The following SGCZ variants were observed in gnomAD, a reference collection of about 807,000 sequenced individuals.
SGCZ encodes the protein zeta-sarcoglycan.
SGCZ carries 40 observed loss-of-function variants against 41.3 expected under a neutral mutation model. The observed-to-expected ratio is 0.97, with a 90% confidence interval of 0.75 to 1.26. The LOEUF is 1.26. Ranked by LOEUF, SGCZ falls within the 50% of genes most tolerant of loss-of-function variation. The pLI is 0.00. For missense variants in SGCZ, 552 were observed against 369.8 expected (o/e 1.49, Z -4.04); for synonymous variants, 206 against 137.5 (o/e 1.50, Z -3.49).
intron 3 of SGCZ, among the ~76,000 whole-genome samples, chr8:14,304,788 A>G (rs746681012): frequency 6.6e-6 from 1 of 152,182 alleles, no homozygotes; most frequent in Non-Finnish European, 1.5e-5. Context: ...TTAACTGTGT[A>G]AAATGAAAAC....
In SGCZ at chr8:14,711,147, A is replaced by G. The variant is rs192387951; in HGVS notation, c.40-156221T>C. Among the ~76,000 whole-genome samples, 7 of 152,338 alleles carry G rather than the reference A, an allele frequency of 4.6e-5. No homozygotes were observed. In the East Asian group the frequency reaches 1.3e-3, roughly 29 times the overall value. On this transcript the variant is annotated intron_variant, in intron 1 of 7. Coordinates refer to ENST00000382080, the MANE Select transcript of SGCZ (RefSeq NM_139167.4). ...ACACAGCACTAGAAATAGAAGACAT[A>G]CTGAGCAAGTCACTATGGACTTAAT...
intron 1 of SGCZ, among the ~76,000 whole-genome samples, chr8:14,847,968 A>G (rs989355565): frequency 6.6e-6 from 1 of 152,146 alleles, no homozygotes; most frequent in African/African-American, 2.4e-5. Context: ...TTCATAGACA[A>G]CATAATCATC....
chr8:15,166,406 C>T (rs1318033317), intron 1 of SGCZ, among the ~76,000 whole-genome samples: 1 of 151,968 alleles, frequency 6.6e-6, no homozygotes, highest in Non-Finnish European at 1.5e-5. Context: ...CACCACCATG[C>T]CCAGCTAGTT....
intron 1 of SGCZ, among the ~76,000 whole-genome samples, chr8:14,697,596 T>G (rs983447875): frequency 6.6e-6 from 1 of 151,996 alleles, no homozygotes; most frequent in Non-Finnish European, 1.5e-5. Flanking sequence ...TCCTTTCACT[T>G]TGTCTCAGGC....
At chr8:14,442,416 A>G (rs1585519149) in intron 2 of SGCZ, among the ~76,000 whole-genome samples, 1 of 152,174 alleles carries the variant, frequency 6.6e-6, no homozygotes, top group Admixed American at 6.6e-5. Flanking sequence ...GCCATGTGGA[A>G]CTGTGAGTCC....
chr8:14,317,107 T>C (rs1047022970), intron 3 of SGCZ, among the ~76,000 whole-genome samples: 5 of 152,062 alleles, frequency 3.3e-5, no homozygotes, highest in Admixed American at 2.6e-4. Flanking sequence ...AATCATACTC[T>C]CCTTGACAAT....
At chr8:14,183,280 T>G (rs1435170910) in intron 4 of SGCZ, among the ~76,000 whole-genome samples, 3 of 118,084 alleles carry the variant, frequency 2.5e-5, no homozygotes, top group African/African-American at 3.8e-5. Context: ...AGTTAAAAAT[T>G]TTTACATGTA....
intron 2 of SGCZ, among the ~76,000 whole-genome samples, chr8:14,422,925 G>A (rs1037491455): frequency 1.3e-5 from 2 of 152,040 alleles, no homozygotes; most frequent in African/African-American, 4.8e-5. Flanking sequence ...CCACTTCAGG[G>A]ACTGAGGAGG....
rs201483652 is a variant in SGCZ, at chr8:14,237,543, C to CA, written c.424+48dup. Reference sequence around the variant, plus strand: ...AAGAACCAAAAACCAAAAACAACAACAAAAAAAACCAAGCACAGTAGGAGC... The same window carrying CA: ...AAGAACCAAAAACCAAAAACAACAACAAAAAAAAACCAAGCACAGTAGGAGC... On this transcript the variant is annotated intron_variant, in intron 4 of 7. Coordinates refer to ENST00000382080, the MANE Select transcript of SGCZ (RefSeq NM_139167.4). 1,440 of 1,525,630 alleles carry CA rather than the reference C, an allele frequency of 9.4e-4. 4 individuals are homozygous for CA. Among genetic ancestry groups the CA allele is most frequent in the South Asian group, 1.9e-3 (166 of 85,554 alleles). 94.5% of individuals were successfully genotyped at this position (1,525,630 alleles called of 1,614,324 possible).
At chr8:14,847,257 T>G (rs1030627951) in intron 1 of SGCZ, among the ~76,000 whole-genome samples, 9 of 152,140 alleles carry the variant, frequency 5.9e-5, no homozygotes, top group Non-Finnish European at 1.3e-4. Flanking sequence ...CCAATTCATT[T>G]TATGAACTCA....
intron 1 of SGCZ, among the ~76,000 whole-genome samples, chr8:14,824,395 G>A (rs1225654374): frequency 6.6e-6 from 1 of 152,008 alleles, no homozygotes; most frequent in African/African-American, 2.4e-5. Flanking sequence ...CACTTTAATA[G>A]TAATAAATTT....
intron 1 of SGCZ, among the ~76,000 whole-genome samples, chr8:14,915,264 C>T (rs1324667983): frequency 6.6e-6 from 1 of 152,086 alleles, no homozygotes; most frequent in Non-Finnish European, 1.5e-5. Context: ...TGTATATATG[C>T]TGTTATGGTA....
intron 1 of SGCZ, among the ~76,000 whole-genome samples, chr8:14,626,730 T>G (rs905222502): frequency 2.0e-5 from 3 of 152,150 alleles, no homozygotes; most frequent in African/African-American, 7.2e-5. Flanking sequence ...TAGCAAATTC[T>G]AAGGCAGAAG....
intron 1 of SGCZ, among the ~76,000 whole-genome samples, chr8:15,231,707 C>T (rs190705124): frequency 5.9e-4 from 89 of 149,832 alleles, no homozygotes; most frequent in Admixed American, 1.0e-3. Flanking sequence ...CTGCAACCTC[C>T]GCCTCCCACC....
At chr8:14,616,181 G>A (rs1806095900) in intron 1 of SGCZ, among the ~76,000 whole-genome samples, 1 of 151,964 alleles carries the variant, frequency 6.6e-6, no homozygotes, top group South Asian at 2.1e-4. Context: ...TACTCGGGAG[G>A]CTGAGGCAGG....
intron 1 of SGCZ, among the ~76,000 whole-genome samples, chr8:14,663,814 T>C (rs1807827083): frequency 6.6e-6 from 1 of 152,176 alleles, no homozygotes; most frequent in African/African-American, 2.4e-5. Context: ...GGACTCAATT[T>C]TATGTTCTCC....
intron 1 of SGCZ, among the ~76,000 whole-genome samples, chr8:15,014,739 T>C (rs985454955): frequency 4.7e-4 from 71 of 152,344 alleles, no homozygotes; most frequent in African/African-American, 1.7e-3. Flanking sequence ...CAGGAGTCCA[T>C]ACTGACTTTA....
chr8:14,400,623 C>A (rs113175868), intron 2 of SGCZ, among the ~76,000 whole-genome samples: 4 of 152,126 alleles, frequency 2.6e-5, no homozygotes, highest in African/African-American at 9.6e-5. Context: ...ATTATGTGAC[C>A]AGACCACATA....
chr8:14,511,881 C>A (rs754927478), intron 2 of SGCZ, among the ~76,000 whole-genome samples: 2 of 151,964 alleles, frequency 1.3e-5, no homozygotes, highest in African/African-American at 2.4e-5. Context: ...CATCTGGGTA[C>A]CACCAACATA....
Sources: allele counts gnomAD v4.1 joint callset (sites outside exome capture counted in the v4.1 genomes callset), GRCh38; gene constraint gnomAD v4.1.1; transcripts MANE v1.5; gene names NCBI Gene and HGNC (gene_info 2026-07-23, HGNC 2026-07-21).